Variants in COL19A1 observed in about 807,000 individuals in gnomAD.
COL19A1 encodes collagen type XIX alpha 1 chain, also known as collagen alpha-1(XIX) chain.
COL19A1 carries 159 observed loss-of-function variants against 190.2 expected under a neutral mutation model. That is an observed-to-expected ratio of 0.84 (90% confidence interval 0.73 to 0.95). COL19A1 has a LOEUF of 0.95. Ranked by LOEUF, COL19A1 falls within the 40% of genes least tolerant of loss-of-function variation. COL19A1 has a pLI of 0.00. For synonymous variants in COL19A1, 509 were observed against 458.9 expected, an observed-to-expected ratio of 1.11 and a Z score of -1.39; for missense variants, 1,418 against 1,431.9, an observed-to-expected ratio of 0.99 and a Z score of 0.16.
intron 11 of COL19A1, among the ~76,000 whole-genome samples, chr6:70,016,855 A>T (rs937114992): frequency 2.0e-5 from 3 of 152,078 alleles, no homozygotes; most frequent in Non-Finnish European, 4.4e-5. Flanking sequence ...AATCAAAAAG[A>T]TTGACAAAAT....
At position 70,147,317 on chromosome 6, in the gene COL19A1, G is replaced by A. The variant is rs550953017; in HGVS notation, c.1893+428G>A. ...ATGACACCAAAAAGGTCTGAGTAAC[G>A]TCTTCAGAGTGAAGAGATGATGTTT... On this transcript the variant is annotated intron_variant, in intron 27 of 50. Transcript: ENST00000620364. 5.3e-5 allele frequency among the ~76,000 whole-genome samples: 8 copies of A among 152,230 alleles called. No homozygotes were observed. In the East Asian group the frequency reaches 9.7e-4, roughly 18 times the overall value.
intron 15 of COL19A1, among the ~76,000 whole-genome samples, chr6:70,078,768 A>G (rs889778002): frequency 6.6e-6 from 1 of 152,084 alleles, no homozygotes; most frequent in African/African-American, 2.4e-5. Flanking sequence ...AAGAACTTTG[A>G]TAATATTAAC....
chr6:69,874,594 A>T (rs1242331625), intron 1 of COL19A1, among the ~76,000 whole-genome samples: 2 of 152,130 alleles, frequency 1.3e-5, no homozygotes, highest in African/African-American at 4.8e-5. Flanking sequence ...TACTAAAAAT[A>T]CAAAAAATTA....
intron 46 of COL19A1, among the ~76,000 whole-genome samples, chr6:70,185,596 C>A (rs893040320): frequency 1.4e-4 from 22 of 152,110 alleles, no homozygotes; most frequent in African/African-American, 4.8e-4. Flanking sequence ...ATTGCAATTT[C>A]TCTTTATTTC....
chr6:69,908,658 T>C (rs554920247), intron 4 of COL19A1, among the ~76,000 whole-genome samples: 1 of 152,302 alleles, frequency 6.6e-6, no homozygotes, highest in African/African-American at 2.4e-5. Context: ...TGAAATATTA[T>C]TAGTTCAGTA....
chr6:69,997,520 C>T (rs1776993021), intron 11 of COL19A1, among the ~76,000 whole-genome samples: 1 of 152,130 alleles, frequency 6.6e-6, no homozygotes, highest in Admixed American at 6.6e-5. Context: ...ATGACAATTA[C>T]TCAATCTCAG....
At chr6:69,929,055 C>T (rs1772580286) in intron 5 of COL19A1, among the ~76,000 whole-genome samples, 1 of 151,800 alleles carries the variant, frequency 6.6e-6, no homozygotes, top group Non-Finnish European at 1.5e-5. Context: ...GTTACTAATA[C>T]AGAGCAATAA....
intron 11 of COL19A1, among the ~76,000 whole-genome samples, chr6:69,996,495 T>C (rs1426676509): frequency 6.6e-6 from 1 of 152,204 alleles, no homozygotes; most frequent in Admixed American, 6.5e-5. Context: ...TACAGGTATA[T>C]TTAAGTTAGG....
chr6:69,956,345 A>G (rs1774418102), intron 9 of COL19A1, among the ~76,000 whole-genome samples: 2 of 152,160 alleles, frequency 1.3e-5, no homozygotes, highest in South Asian at 2.1e-4. Context: ...TCCAAAAAAT[A>G]TAAAGAATTC....
At position 70,141,318 on chromosome 6, in the gene COL19A1, A is replaced by AT. The variant is rs1046754327; in HGVS notation, c.1482+336dup. On this transcript the variant is annotated intron_variant, in intron 20 of 50. Transcript: ENST00000620364. ...AATATAAAATTAAAATAAAAGATACATTTTTTTCCAAAAATTCTGTTAATG... is the reference window on the plus strand; with the variant it reads ...AATATAAAATTAAAATAAAAGATACATTTTTTTTCCAAAAATTCTGTTAATG... Among the ~76,000 whole-genome samples the AT allele has an allele frequency of 4.6e-5, 7 of 152,042 alleles. No individual in the cohort carries two copies. In the East Asian group the frequency reaches 9.6e-4, roughly 21 times the overall value.
intron 14 of COL19A1, among the ~76,000 whole-genome samples, chr6:70,047,881 T>G (rs1054812207): frequency 3.9e-5 from 6 of 152,114 alleles, no homozygotes; most frequent in Non-Finnish European, 7.4e-5. Flanking sequence ...GCATGTCATG[T>G]CAGAGGAGAG....
At chr6:70,065,428 C>T (rs1192434519) in intron 14 of COL19A1, among the ~76,000 whole-genome samples, 1 of 152,142 alleles carries the variant, frequency 6.6e-6, no homozygotes, top group East Asian at 1.9e-4. Flanking sequence ...AAACTGGGTC[C>T]CTTCCTTACA....
intron 15 of COL19A1, among the ~76,000 whole-genome samples, chr6:70,072,228 A>G (rs1781602497): frequency 6.6e-6 from 1 of 152,196 alleles, no homozygotes; most frequent in South Asian, 2.1e-4. Flanking sequence ...TAGTATTCCT[A>G]ACAAACAGAC....
At chr6:70,151,576 G>A (rs1352195253) in intron 31 of COL19A1, 138 bp downstream of exon 31, 4 of 723,712 alleles carry the variant, frequency 5.5e-6, no homozygotes, top group Non-Finnish European at 7.1e-6. Flanking sequence ...TTTAAGATAG[G>A]AAAATAAACA....
At chr6:69,990,932 T>C (rs970765220) in intron 11 of COL19A1, among the ~76,000 whole-genome samples, 2 of 152,042 alleles carry the variant, frequency 1.3e-5, no homozygotes, top group Non-Finnish European at 2.9e-5. Context: ...ACATGGCAGG[T>C]TTGTTACATG....
chr6:70,190,487 A>C, intron 48 of COL19A1, 106 bp downstream of exon 48: 1 of 743,540 alleles, frequency 1.3e-6, no homozygotes, highest in Non-Finnish European at 2.3e-6. Flanking sequence ...CATGCCACAA[A>C]AACCTTAAGG....
rs538947197 is a variant in COL19A1, at chr6:69,878,197, A to G, written c.-32-1339A>G. Among the ~76,000 whole-genome samples the G allele has an allele frequency of 1.0e-3, 151 of 150,736 alleles. 6 individuals are homozygous for G. The South Asian group carries it at 0.031, about 31-fold the overall frequency. On this transcript the variant is annotated intron_variant, in intron 1 of 50. Coordinates refer to ENST00000620364, the MANE Select transcript of COL19A1 (RefSeq NM_001858.6). Reference sequence around the variant, plus strand: ...CCATTAGGATAGTAATTATATATATATATATTTATTTCTTTTATTTATTTA... The same window carrying G: ...CCATTAGGATAGTAATTATATATATGTATATTTATTTCTTTTATTTATTTA...
chr6:70,123,198 T>C (rs931429727), intron 17 of COL19A1, among the ~76,000 whole-genome samples: 12 of 152,074 alleles, frequency 7.9e-5, no homozygotes, highest in Non-Finnish European at 1.0e-4. Context: ...CCAAAAAACA[T>C]ATGAAAAAAT....
At chr6:70,182,576 C>A (rs372267126) in intron 44 of COL19A1, among the ~76,000 whole-genome samples, 11 of 152,236 alleles carry the variant, frequency 7.2e-5, no homozygotes, top group African/African-American at 2.6e-4. Context: ...GACAACCCAA[C>A]AAAGAAGGCT....
Sources: gnomAD v4.1 joint callset for allele counts (sites outside exome capture counted in the v4.1 genomes callset) on GRCh38, gnomAD v4.1.1 for gene constraint, MANE v1.5 for transcripts, NCBI Gene and HGNC (gene_info 2026-07-23, HGNC 2026-07-21) for gene names.